DNAH17: variants seen among roughly 807,000 people sequenced by gnomAD.
The protein encoded by DNAH17 is axonemal beta dynein heavy chain 17.
Under a neutral mutation model 485.6 loss-of-function variants are expected in DNAH17, and 376 were observed. That is an observed-to-expected ratio of 0.77 (90% CI 0.71 to 0.84). The LOEUF (loss-of-function observed/expected upper bound fraction) is 0.84. Ranked by LOEUF, DNAH17 falls within the 40% of genes least tolerant of loss-of-function variation. The probability of loss-of-function intolerance (pLI) is 0.00; values close to 1 mark genes in which losing one functional copy is unlikely to be tolerated. For missense variants in DNAH17, 6,370 were observed against 5,839.3 expected (o/e 1.09, Z -2.96); for synonymous variants, 3,031 against 2,405.9 (o/e 1.26, Z -7.60).
At chr17:78,555,903 T>A (rs887362410) in intron 14 of DNAH17, among the ~76,000 whole-genome samples, 1 of 152,216 alleles carries the variant, frequency 6.6e-6, no homozygotes, top group Non-Finnish European at 1.5e-5. Flanking sequence ...TCTCATCATC[T>A]TCAGCCTTTG....
intron 54 of DNAH17, 108 bp downstream of exon 54, chr17:78,475,170 G>A (rs2088957243): frequency 1.1e-5 from 14 of 1,267,980 alleles, no homozygotes; most frequent in Non-Finnish European, 1.3e-5. Context: ...TATTGGTGAT[G>A]CTCGGATTCC....
chr17:78,542,122 C>T (rs903809875), intron 17 of DNAH17, among the ~76,000 whole-genome samples: 16 of 149,966 alleles, frequency 1.1e-4, no homozygotes, highest in African/African-American at 1.7e-4. Flanking sequence ...AAACCGCCCC[C>T]CCCAAAAACT....
intron 31 of DNAH17, among the ~76,000 whole-genome samples, chr17:78,504,264 C>T (rs1411879258): frequency 6.6e-6 from 1 of 152,046 alleles, no homozygotes; most frequent in Non-Finnish European, 1.5e-5. Context: ...CCAGTTTCGC[C>T]GTGTTAGCCA....
rs1241106024 is a variant in DNAH17, at chr17:78,425,557, C to A, written c.12930G>T (p.Trp4310Cys). ...TGGTGGGCAGGGCAAAGTCTGTCGTCCAGGCCTCGAGTTCCTGCAAGGACA... is the reference window on the plus strand; with the variant it reads ...TGGTGGGCAGGGCAAAGTCTGTCGTACAGGCCTCGAGTTCCTGCAAGGACA... ...LLLRIRELEA[W>C]TTDFALPTTV... Residue 4310 changes from tryptophan (W) to cysteine (C), a missense_variant, in exon 80 of 81, where the codon TGG becomes TGT. By Grantham distance (215) the Trp-to-Cys change is radical (BLOSUM62 -2). Coordinates refer to ENST00000389840, the MANE Select transcript of DNAH17 (RefSeq NM_173628.4). 1 of 1,610,478 alleles carries A rather than the reference C, an allele frequency of 6.2e-7. No homozygotes were observed. Among genetic ancestry groups the A allele is most frequent in the Admixed American group, 1.7e-5 (1 of 59,638 alleles).
intron 20 of DNAH17, among the ~76,000 whole-genome samples, chr17:78,531,441 C>T (rs961965728): frequency 6.6e-6 from 1 of 151,118 alleles, no homozygotes. Flanking sequence ...TGGGTTCACA[C>T]CATTCTCTTG....
intron 66 of DNAH17, 105 bp downstream of exon 66, chr17:78,451,364 G>A (rs1053651518): frequency 6.1e-5 from 65 of 1,057,596 alleles, no homozygotes; most frequent in South Asian, 8.0e-5. Flanking sequence ...GAGAAGCAAC[G>A]ACACACACTG....
rs78910860 is a variant in DNAH17, at chr17:78,476,158, G to A, written c.8155-325C>T. On this transcript the variant is annotated intron_variant, in intron 52 of 80. Coordinates refer to ENST00000389840, the MANE Select transcript of DNAH17 (RefSeq NM_173628.4). ...CTCCACCCCAAGTGGACAGAGGGAG[G>A]TGATCACACCCTGATCTACTGAGCA... 4.8e-3 allele frequency among the ~76,000 whole-genome samples: 729 copies of A among 152,262 alleles called. 1 individual carries two copies. The highest frequency in any genetic ancestry group is 7.3e-3 in the Non-Finnish European group (495 of 68,014).
chr17:78,537,311 C>A lies in DNAH17; in HGVS notation c.2847G>T (p.Arg949Ser), dbSNP rs2091404570. The A allele has an allele frequency of 3.8e-6, 6 of 1,566,766 alleles. No individual in the cohort carries two copies. The East Asian group carries it at 1.4e-4, about 37-fold the overall frequency. The change falls in exon 19 of 81, where the codon AGG becomes AGT. Residue 949 changes from arginine (R) to serine (S), a missense_variant. Transcript: ENST00000389840. ...ARLIPRLAKD[R>S]MNYKMDLEDN... ...GGCCAGGACTGACCTTGTAGTTCATCCTGTCCTTGGCCAGCCGAGGGATGA... is the reference window on the plus strand; with the variant it reads ...GGCCAGGACTGACCTTGTAGTTCATACTGTCCTTGGCCAGCCGAGGGATGA...
intron 29 of DNAH17, 90 bp downstream of exon 29, chr17:78,507,188 C>G (rs1039822074): frequency 3.4e-6 from 5 of 1,468,862 alleles, no homozygotes; most frequent in Non-Finnish European, 4.7e-6. Flanking sequence ...TCCTGGCCAG[C>G]AGGCTGCACA....
chr17:78,450,165 C>A, intron 68 of DNAH17, 89 bp downstream of exon 68: 1 of 1,511,456 alleles, frequency 6.6e-7, no homozygotes. Context: ...TGGCACTGCC[C>A]GATGGCTGTG....
At chr17:78,511,506 G>A (rs1435397597) in intron 26 of DNAH17, among the ~76,000 whole-genome samples, 1 of 152,224 alleles carries the variant, frequency 6.6e-6, no homozygotes, top group Non-Finnish European at 1.5e-5. Flanking sequence ...ATTCACAATA[G>A]GCAAAGCGCT....
chr17:78,474,775 T>G (rs1031133740), intron 54 of DNAH17, among the ~76,000 whole-genome samples: 3 of 133,266 alleles, frequency 2.3e-5, no homozygotes, highest in Non-Finnish European at 4.7e-5. Flanking sequence ...TCACGCGGGC[T>G]GGAGGGTTTC....
At chr17:78,568,439 CCT>C (rs1491214692) in intron 9 of DNAH17, among the ~76,000 whole-genome samples, 2 of 152,084 alleles carry the variant, frequency 1.3e-5, no homozygotes, top group African/African-American at 4.8e-5. Flanking sequence ...ATGATTTTCC[CCT>C]TTTTTAAGGA....
At chr17:78,471,937 G>A (rs640641) in intron 54 of DNAH17, among the ~76,000 whole-genome samples, 53,188 of 152,016 alleles carry the variant, frequency 0.35, 12,571 homozygotes, top group African/African-American at 0.68. Context: ...CATCTCCTCC[G>A]GGCCTGGCCC....
intron 71 of DNAH17, among the ~76,000 whole-genome samples, chr17:78,444,096 C>T (rs1598457453): frequency 6.6e-6 from 1 of 152,150 alleles, no homozygotes; most frequent in African/African-American, 2.4e-5. Flanking sequence ...TAATATACCT[C>T]GATTGACTTT....
At chr17:78,453,292 G>A (rs1406295642) in intron 65 of DNAH17, 51 bp downstream of exon 65, 23 of 1,598,872 alleles carry the variant, frequency 1.4e-5, no homozygotes, top group South Asian at 2.2e-5. Flanking sequence ...CCCAGGCCTC[G>A]GGCCTGAAGA....
In DNAH17 at chr17:78,537,523, C is replaced by T. The variant is rs757596595; in HGVS notation, c.2677-42G>A. 2.1e-5 allele frequency: 34 copies of T among 1,598,568 alleles called. 1 individual carries two copies. The South Asian group carries it at 3.2e-4, about 15-fold the overall frequency. Reference sequence around the variant, plus strand: ...GTTGGCAGTGGTCAACACCTCTGTCCTCCATCGGATGATTCTCAGTGCCCT... The same window carrying T: ...GTTGGCAGTGGTCAACACCTCTGTCTTCCATCGGATGATTCTCAGTGCCCT... On this transcript the variant is annotated intron_variant, in intron 18 of 80. Transcript: ENST00000389840.
chr17:78,492,317 T>G (rs2089896539), intron 42 of DNAH17, among the ~76,000 whole-genome samples: 1 of 110,224 alleles, frequency 9.1e-6, no homozygotes, highest in Admixed American at 9.3e-5. Flanking sequence ...AGCCTGCATG[T>G]CTGGGCTCCC....
chr17:78,428,458 G>A (rs757361805), intron 77 of DNAH17, 67 bp downstream of exon 77: 1 of 1,536,662 alleles, frequency 6.5e-7, no homozygotes, highest in Non-Finnish European at 8.8e-7. Context: ...GCCAGTCCCT[G>A]TGACCCCCTC....
Sources: allele counts gnomAD v4.1 joint callset (sites outside exome capture counted in the v4.1 genomes callset), GRCh38; gene constraint gnomAD v4.1.1; transcripts MANE v1.5; gene names NCBI Gene and HGNC (gene_info 2026-07-23, HGNC 2026-07-21).